The following ELF1 variants were observed in gnomAD, a reference collection of about 807,000 sequenced individuals.
The protein encoded by ELF1 is E74 like ETS transcription factor 1, also known as ETS-related transcription factor Elf-1.
ELF1 carries 24 observed loss-of-function variants against 59.9 expected under a neutral mutation model. That is an observed-to-expected ratio of 0.40 (90% confidence interval 0.29 to 0.56). ELF1 has a LOEUF of 0.56. Among genes scored for constraint, ELF1 ranks in the 20% least tolerant of loss-of-function variants. ELF1 has a pLI of 0.44. For synonymous variants in ELF1, 248 were observed against 266.2 expected (o/e 0.93, Z 0.67); for missense variants, 627 against 742.2 (o/e 0.84, Z 1.80).
At chr13:40,990,280 C>T (rs983661960) in intron 1 of ELF1, among the ~76,000 whole-genome samples, 54 of 152,172 alleles carry the variant, frequency 3.5e-4, no homozygotes, top group African/African-American at 1.2e-3. Context: ...CCTCTTATGA[C>T]AATGAGTAAG....
chr13:40,945,006 A>C lies in ELF1; in HGVS notation c.530-1081T>G, dbSNP rs78365546. On this transcript the variant is annotated intron_variant, in intron 5 of 8. Transcript: ENST00000239882. Reference sequence around the variant, plus strand: ...CAAAAAGCCCGCTCTTCAGTCTCTAAGACTGCCAAATGTATGCTAGTCAGC... The same window carrying C: ...CAAAAAGCCCGCTCTTCAGTCTCTACGACTGCCAAATGTATGCTAGTCAGC... 2.6e-3 allele frequency among the ~76,000 whole-genome samples: 398 copies of C among 152,300 alleles called. 6 individuals are homozygous for C. The East Asian group carries it at 0.05, about 19-fold the overall frequency.
intron 1 of ELF1, among the ~76,000 whole-genome samples, chr13:41,016,185 G>A (rs1875349311): frequency 6.6e-6 from 1 of 152,136 alleles, no homozygotes; most frequent in African/African-American, 2.4e-5. Flanking sequence ...AGTTTATGAA[G>A]ATAAAGCCCA....
intron 3 of ELF1, among the ~76,000 whole-genome samples, chr13:40,955,778 G>A (rs1245035454): frequency 4.0e-5 from 2 of 50,426 alleles, no homozygotes; most frequent in Non-Finnish European, 6.6e-5. Flanking sequence ...GAGGCGGGGG[G>A]GTCAGCCCCC....
chr13:41,054,358 A>G (rs1243869844), intron 1 of ELF1, among the ~76,000 whole-genome samples: 1 of 152,244 alleles, frequency 6.6e-6, no homozygotes, highest in Non-Finnish European at 1.5e-5. Flanking sequence ...TAAATCGCAA[A>G]TGAATGAAAC....
intron 8 of ELF1, among the ~76,000 whole-genome samples, chr13:40,940,525 A>G (rs1053925079): frequency 2.6e-5 from 4 of 152,150 alleles, no homozygotes; most frequent in Non-Finnish European, 5.9e-5. Flanking sequence ...CTTCCAAGGA[A>G]TAACATTTAT....
At chr13:40,995,507 G>A (rs1407301794) in intron 1 of ELF1, among the ~76,000 whole-genome samples, 1 of 152,068 alleles carries the variant, frequency 6.6e-6, no homozygotes, top group Admixed American at 6.6e-5. Flanking sequence ...GTGAGGTACT[G>A]GTGAAAGAAC....
intron 1 of ELF1, among the ~76,000 whole-genome samples, chr13:40,995,966 G>C (rs987437260): frequency 6.6e-6 from 1 of 152,096 alleles, no homozygotes; most frequent in Non-Finnish European, 1.5e-5. Context: ...AAATATGCAA[G>C]GACCTCTCAA....
rs1173834218 is a variant in ELF1, at chr13:40,951,400, TC to T, written c.289del (p.Glu97LysfsTer24). 6.2e-7 allele frequency: 1 copy of T among 1,613,804 alleles called. No homozygotes were observed. The highest frequency in any genetic ancestry group is 8.5e-7 in the Non-Finnish European group (1 of 1,179,930). ...GAGTGCCTCAGCAGCCTCAATAGTTTCAATTGTTTCATCCCCGTCATGACAA... is the reference window on the plus strand; with the variant it reads ...GAGTGCCTCAGCAGCCTCAATAGTTTAATTGTTTCATCCCCGTCATGACAA... ...ASCHDGDETI[E>X]TIEAAEALLN... is the part of the protein sequence containing the mutation. On this transcript the variant is annotated frameshift_variant, in exon 4 of 9. Transcript: ENST00000239882. LOFTEE classifies it high-confidence loss of function.
At chr13:41,053,717 C>G (rs1044144602) in intron 1 of ELF1, among the ~76,000 whole-genome samples, 4 of 152,226 alleles carry the variant, frequency 2.6e-5, no homozygotes, top group African/African-American at 9.6e-5. Flanking sequence ...GAGTCCAAAA[C>G]TGAAACATTT....
At chr13:41,022,020 C>T (rs1875710030), upstream of ELF1, among the ~76,000 whole-genome samples, 1 of 152,188 alleles carries the variant, frequency 6.6e-6, no homozygotes, top group African/African-American at 2.4e-5. Flanking sequence ...TAAACATACA[C>T]TTATCACATG....
intron 1 of ELF1, among the ~76,000 whole-genome samples, chr13:41,002,249 T>C (rs111392221): frequency 6.6e-5 from 10 of 152,148 alleles, no homozygotes; most frequent in Non-Finnish European, 2.9e-5. Flanking sequence ...GTACTGGGAT[T>C]TTTAAAAACA....
intron 2 of ELF1, 113 bp downstream of exon 2, chr13:40,981,870 T>A: frequency 8.3e-7 from 1 of 1,210,492 alleles, no homozygotes; most frequent in Non-Finnish European, 1.1e-6. Flanking sequence ...CATCTATAAA[T>A]TTTTACTTTC....
At chr13:40,970,754 T>A (rs996276744) in intron 2 of ELF1, among the ~76,000 whole-genome samples, 2 of 152,066 alleles carry the variant, frequency 1.3e-5, no homozygotes, top group African/African-American at 4.8e-5. Flanking sequence ...AAATGTCACA[T>A]AGATAAACAT....
chr13:41,021,595 T>A (rs1240307736), upstream of ELF1, among the ~76,000 whole-genome samples: 2 of 152,228 alleles, frequency 1.3e-5, no homozygotes, highest in African/African-American at 4.8e-5. Flanking sequence ...CTATGTAATC[T>A]TGGGCAATTA....
intron 1 of ELF1, among the ~76,000 whole-genome samples, chr13:41,017,227 A>T (rs1010411877): frequency 6.6e-6 from 1 of 152,062 alleles, no homozygotes; most frequent in African/African-American, 2.4e-5. Flanking sequence ...CACCAAGATT[A>T]TCACCAAACA....
intron 1 of ELF1, chr13:40,993,202 C>G: frequency 2.6e-6 from 4 of 1,534,362 alleles, no homozygotes; most frequent in Non-Finnish European, 3.6e-6. Flanking sequence ...TTCTTCATTC[C>G]TAACAGTGAG....
At chr13:40,971,035 G>C (rs1451615123) in intron 2 of ELF1, among the ~76,000 whole-genome samples, 1 of 152,110 alleles carries the variant, frequency 6.6e-6, no homozygotes, top group Non-Finnish European at 1.5e-5. Flanking sequence ...CACCCAGCCA[G>C]AAAAAGCTGA....
At chr13:40,975,381 A>AT (rs993878813) in intron 2 of ELF1, among the ~76,000 whole-genome samples, 24 of 150,506 alleles carry the variant, frequency 1.6e-4, no homozygotes, top group Admixed American at 4.7e-4. Flanking sequence ...AGTTTCTCTG[A>AT]TTTTTTTTTT....
At position 40,934,033 on chromosome 13, in the gene ELF1, T is replaced by C. The variant is rs1400094840; in HGVS notation, c.1257-5A>G. The stretch of plus-strand genomic sequence containing the variant: ...TGGGTTGGAGCCTGTATAGTCCTAT[T>C]GAGATGATGAAATTAAAGTGAGACA... On this transcript the variant is annotated splice_region_variant and splice_polypyrimidine_tract_variant and intron_variant, in intron 8 of 8. Transcript: ENST00000239882. 11 of 1,595,422 alleles carry C rather than the reference T, an allele frequency of 6.9e-6. No individual in the cohort carries two copies. The highest frequency in any genetic ancestry group is 7.7e-6 in the Non-Finnish European group (9 of 1,168,892).
Sources: allele counts gnomAD v4.1 joint callset (sites outside exome capture counted in the v4.1 genomes callset), GRCh38; gene constraint gnomAD v4.1.1; transcripts MANE v1.5; gene names NCBI Gene and HGNC (gene_info 2026-07-23, HGNC 2026-07-21).